MSRA: variants seen among roughly 807,000 people sequenced by gnomAD.
The protein encoded by MSRA is methionine sulfoxide reductase A.
A neutral mutation model predicts 31.3 loss-of-function variants in MSRA; 54 were observed. The ratio of observed to expected loss-of-function variants is 1.73; its 90% confidence interval spans 1.39 to 2.17. MSRA has a LOEUF of 2.17. MSRA is among the 30% of genes most tolerant of loss of function. MSRA has a pLI of 0.00. For missense variants in MSRA, 507 were observed against 300.9 expected, an observed-to-expected ratio of 1.69 and a Z score of -5.07; for synonymous variants, 169 against 116.5, an observed-to-expected ratio of 1.45 and a Z score of -2.90.
chr8:10,072,374 C>G (rs1797778418), intron 1 of MSRA, among the ~76,000 whole-genome samples: 1 of 151,778 alleles, frequency 6.6e-6, no homozygotes, highest in Non-Finnish European at 1.5e-5. Flanking sequence ...ATCCTTTCTC[C>G]ATTGATTTGC....
intron 1 of MSRA, among the ~76,000 whole-genome samples, chr8:10,138,495 A>G (rs1318275095): frequency 6.6e-6 from 1 of 152,198 alleles, no homozygotes; most frequent in African/African-American, 2.4e-5. Flanking sequence ...CTTTGCCAGG[A>G]TAAGAAATAA....
intron 1 of MSRA, among the ~76,000 whole-genome samples, chr8:10,150,072 C>G (rs1273781933): frequency 6.6e-6 from 1 of 151,558 alleles, no homozygotes; most frequent in Non-Finnish European, 1.5e-5. Flanking sequence ...CCCAGGAACA[C>G]TTTAATAAAA....
At chr8:10,192,964 G>T (rs1055109175) in intron 1 of MSRA, among the ~76,000 whole-genome samples, 1 of 152,164 alleles carries the variant, frequency 6.6e-6, no homozygotes, top group African/African-American at 2.4e-5. Context: ...ATTATATTAT[G>T]TTCTCCCCAG....
intron 5 of MSRA, among the ~76,000 whole-genome samples, chr8:10,420,581 G>C (rs573099938): frequency 2.6e-5 from 4 of 152,164 alleles, no homozygotes; most frequent in East Asian, 1.9e-4. Context: ...AGGATGATGC[G>C]GGCCTCTTTC....
At chr8:10,206,257 A>T (rs781372345) in intron 1 of MSRA, among the ~76,000 whole-genome samples, 4 of 152,192 alleles carry the variant, frequency 2.6e-5, no homozygotes, top group Non-Finnish European at 4.4e-5. Flanking sequence ...CAGATCAGTG[A>T]ATGCTTGACA....
chr8:10,148,006 A>C (rs1035829006), intron 1 of MSRA, among the ~76,000 whole-genome samples: 22 of 152,178 alleles, frequency 1.4e-4, no homozygotes, highest in Non-Finnish European at 3.1e-4. Context: ...GTACCTGTGC[A>C]CTTGGCCACA....
intron 4 of MSRA, among the ~76,000 whole-genome samples, chr8:10,310,708 TACTAC>T (rs1377152108): frequency 6.6e-6 from 1 of 152,230 alleles, no homozygotes; most frequent in African/African-American, 2.4e-5. Flanking sequence ...ACAAGCCACT[TACTAC>T]ATTGCTTGAC....
At chr8:10,284,807 G>C (rs957747365) in intron 3 of MSRA, among the ~76,000 whole-genome samples, 3 of 152,080 alleles carry the variant, frequency 2.0e-5, no homozygotes, top group Admixed American at 2.0e-4. Flanking sequence ...AATGAAAATA[G>C]CTCTTATTGG....
intron 1 of MSRA, among the ~76,000 whole-genome samples, chr8:10,055,523 G>C (rs569160883): frequency 6.6e-6 from 1 of 152,338 alleles, no homozygotes; most frequent in South Asian, 2.1e-4. Context: ...CACCACCTGG[G>C]TGGGCGTTCC....
chr8:10,375,430 A>G (rs1016710618), intron 5 of MSRA, among the ~76,000 whole-genome samples: 2 of 152,200 alleles, frequency 1.3e-5, no homozygotes, highest in African/African-American at 2.4e-5. Context: ...CTGAATTAAT[A>G]TGCTTACGCT....
At chr8:10,415,816 C>T (rs1808424647) in intron 5 of MSRA, among the ~76,000 whole-genome samples, 1 of 151,846 alleles carries the variant, frequency 6.6e-6, no homozygotes, top group African/African-American at 2.4e-5. Context: ...ATGCCCTTCA[C>T]ACCCTACTCC....
intron 5 of MSRA, among the ~76,000 whole-genome samples, chr8:10,322,888 G>A (rs906169862): frequency 2.6e-5 from 4 of 152,070 alleles, no homozygotes; most frequent in South Asian, 2.1e-4. Context: ...TCAGGACTTC[G>A]AGACCAGCCT....
At chr8:10,185,549 G>A (rs1563194609) in intron 1 of MSRA, among the ~76,000 whole-genome samples, 1 of 152,182 alleles carries the variant, frequency 6.6e-6, no homozygotes, top group African/African-American at 2.4e-5. Flanking sequence ...GCCGAGGAAT[G>A]CTCAAGGGTG....
At chr8:10,337,957 C>T in intron 5 of MSRA, 1 of 620,760 alleles carries the variant, frequency 1.6e-6, no homozygotes, top group Non-Finnish European at 2.9e-6. Flanking sequence ...GGGAGGTAAA[C>T]TGGGTGGCCC....
intron 3 of MSRA, among the ~76,000 whole-genome samples, chr8:10,283,278 T>C (rs1050567189): frequency 6.6e-6 from 1 of 152,066 alleles, no homozygotes; most frequent in African/African-American, 2.4e-5. Context: ...GGATCCTGCA[T>C]TTTGTCATAT....
At chr8:10,224,481 A>T (rs1218816672) in intron 2 of MSRA, among the ~76,000 whole-genome samples, 1 of 129,804 alleles carries the variant, frequency 7.7e-6, no homozygotes, top group Non-Finnish European at 1.7e-5. Flanking sequence ...CCACAGCCTC[A>T]ACTATTACCA....
chr8:10,168,821 A>G (rs1274074491), intron 1 of MSRA, among the ~76,000 whole-genome samples: 1 of 152,216 alleles, frequency 6.6e-6, no homozygotes, highest in African/African-American at 2.4e-5. Flanking sequence ...ACTAAAGTAA[A>G]TCATAAATTT....
chr8:10,185,859 C>T (rs1311815990), intron 1 of MSRA, among the ~76,000 whole-genome samples: 5 of 151,936 alleles, frequency 3.3e-5, no homozygotes, highest in African/African-American at 7.3e-5. Flanking sequence ...TTATGATTCT[C>T]ACAACAGCTC....
chr8:10,191,884 T>A (rs1807541180), intron 1 of MSRA, among the ~76,000 whole-genome samples: 1 of 152,234 alleles, frequency 6.6e-6, no homozygotes, highest in Admixed American at 6.5e-5. Context: ...CTTAGCAGTT[T>A]AAAACAACAC....
Sources: allele counts gnomAD v4.1 joint callset (sites outside exome capture counted in the v4.1 genomes callset), GRCh38; gene constraint gnomAD v4.1.1; transcripts MANE v1.5; gene names NCBI Gene and HGNC (gene_info 2026-07-23, HGNC 2026-07-21).